Variants in CCDC127 observed in about 807,000 individuals in gnomAD.
The protein encoded by CCDC127 is coiled-coil domain containing 127.
CCDC127 carries 2 observed loss-of-function variants against 4.1 expected under a neutral mutation model. The observed-to-expected ratio is 0.49, with a 90% CI of 0.20 to 1.53. CCDC127 has a LOEUF of 1.53. Ranked by LOEUF, CCDC127 falls within the 40% of genes most tolerant of loss-of-function variation. The pLI is 0.23. For synonymous variants in CCDC127, 98 were observed against 120.4 expected (o/e 0.81, Z 1.22); for missense variants, 271 against 322.9 (o/e 0.84, Z 1.23).
At chr5:213,499 C>A (rs1734316102) in intron 2 of CCDC127, among the ~76,000 whole-genome samples, 1 of 131,462 alleles carries the variant, frequency 7.6e-6, no homozygotes, top group African/African-American at 3.2e-5. Context: ...CAGGATGGGG[C>A]AGACGGGACA....
rs1332530673 is a variant in CCDC127 at position 203,311 on chromosome 5, C to G, written c.*1986G>C. The G allele has an allele frequency of 6.6e-6, 1 of 152,092 alleles. No individual in the cohort carries two copies. The highest frequency in any genetic ancestry group is 2.4e-5 in the African/African-American group (1 of 41,378). 9.4% of individuals were successfully genotyped at this position (152,092 alleles called of 1,614,324 possible). ...GTGGTAGAGCAGAGAGGCACGCTAGCAGCCACTGAAGAAGAGAAGCATCTG... is the reference window on the plus strand; with the variant it reads ...GTGGTAGAGCAGAGAGGCACGCTAGGAGCCACTGAAGAAGAGAAGCATCTG... On this transcript the variant is annotated 3_prime_UTR_variant, in exon 3 of 3. Coordinates refer to ENST00000296824, the MANE Select transcript of CCDC127 (RefSeq NM_145265.3).
In CCDC127 at chr5:201,754, G is replaced by C. The variant is rs1734080955; in HGVS notation, c.*3543C>G. ...AGTCTGAAGCAAGCGAAATTAGAAA[G>C]TACAATCTCAACCCCTCCCCGCAAA... On this transcript the variant is annotated 3_prime_UTR_variant, in exon 3 of 3. Coordinates refer to ENST00000296824, the MANE Select transcript of CCDC127 (RefSeq NM_145265.3). The C allele has an allele frequency of 6.6e-6, 1 of 152,150 alleles. No homozygotes were observed. The allele number at this position is 152,150 out of a possible 1,614,324, so 9.4% of individuals were successfully genotyped here. A position where few individuals can be genotyped will look rare whatever the true frequency, so the allele number is the denominator to read the frequency against.
intron 2 of CCDC127, among the ~76,000 whole-genome samples, chr5:208,980 CAG>C (rs76336388): frequency 0.33 from 50,584 of 151,708 alleles, 10,048 homozygotes; most frequent in African/African-American, 0.55. Flanking sequence ...GCTGCCATGA[CAG>C]AGAGCCTAAG....
At chr5:208,481 A>G (rs1734219518) in intron 2 of CCDC127, among the ~76,000 whole-genome samples, 1 of 152,250 alleles carries the variant, frequency 6.6e-6, no homozygotes, top group Admixed American at 6.5e-5. Context: ...TCAGCCAAAT[A>G]ACACAGAAAA....
intron 2 of CCDC127, among the ~76,000 whole-genome samples, chr5:213,325 C>T (rs1226658230): frequency 1.2e-5 from 1 of 82,722 alleles, no homozygotes. Flanking sequence ...ATGGGGCAGA[C>T]GGGACAGCAG....
chr5:205,686 T>C lies in CCDC127; in HGVS notation c.394A>G (p.Arg132Gly), dbSNP rs1327172423. 1 of 1,614,122 alleles carries C rather than the reference T, an allele frequency of 6.2e-7. No homozygotes were observed. Among genetic ancestry groups the C allele is most frequent in the Non-Finnish European group, 8.5e-7 (1 of 1,180,016 alleles). The change falls in exon 3 of 3, where the codon AGA becomes GGA. Residue 132 changes from arginine to glycine, a missense_variant. Arg to Gly is a moderately radical substitution (Grantham distance 125). Coordinates refer to ENST00000296824, the MANE Select transcript of CCDC127 (RefSeq NM_145265.3). The part of the protein sequence containing the change: ...QERAQVMQEK[R>G]QVQPLRSAYL... ...GCACTTCTCAAAGGCTGCACCTGTC[T>C]TTTTTCTTGCATCACCTGGGCCCGT...
At position 218,074 on chromosome 5, in the gene CCDC127, G is replaced by C. The variant is rs1734466079; in HGVS notation, c.-11+19C>G. The stretch of plus-strand genomic sequence containing the variant: ...AAATGTTGGTGCCCACCACCTCCCC[G>C]GAACAGGGCCCGCTCTACCTCGGTC... On this transcript the variant is annotated intron_variant, in intron 1 of 2. Transcript: ENST00000296824. 13 of 1,159,806 alleles carry C rather than the reference G, an allele frequency of 1.1e-5. No individual in the cohort carries two copies. Among genetic ancestry groups the C allele is most frequent in the Non-Finnish European group, 1.2e-5 (11 of 940,098 alleles). The allele number at this position is 1,159,806 out of a possible 1,614,324, so 71.8% of individuals were successfully genotyped here. A position where few individuals can be genotyped will look rare whatever the true frequency, so the allele number is the denominator to read the frequency against.
rs1734007704 is a variant in CCDC127, at chr5:198,413, T to G, written c.*6884A>C. Reference sequence around the variant, plus strand: ...TGTGTCTGAATTTTTATTGTAAGACTCAGCCGCTGGGCGGCATGATGACCA... The same window carrying G: ...TGTGTCTGAATTTTTATTGTAAGACGCAGCCGCTGGGCGGCATGATGACCA... On this transcript the variant is annotated 3_prime_UTR_variant, in exon 3 of 3. Coordinates refer to ENST00000296824, the MANE Select transcript of CCDC127 (RefSeq NM_145265.3). 6.6e-6 allele frequency: 1 copy of G among 152,340 alleles called. No homozygotes were observed. Among genetic ancestry groups the G allele is most frequent in the African/African-American group, 2.4e-5 (1 of 41,486 alleles). The allele number at this position is 152,340 out of a possible 1,614,324, so 9.4% of individuals were successfully genotyped here. A position where few individuals can be genotyped will look rare whatever the true frequency, so the allele number is the denominator to read the frequency against.
rs1734144207 is a variant in CCDC127 at position 205,189 on chromosome 5, G to A, written c.*108C>T. On this transcript the variant is annotated 3_prime_UTR_variant, in exon 3 of 3. Transcript: ENST00000296824. ...GTGGAGGTCGCTGCTGAAGGGTGACGGTGTGGCCATGACACGGGCAGCACG... is the reference window on the plus strand; with the variant it reads ...GTGGAGGTCGCTGCTGAAGGGTGACAGTGTGGCCATGACACGGGCAGCACG... 8.9e-6 allele frequency: 9 copies of A among 1,012,930 alleles called. No homozygotes were observed. Among genetic ancestry groups the A allele is most frequent in the East Asian group, 2.4e-5 (1 of 41,518 alleles). The allele number at this position is 1,012,930 out of a possible 1,614,324, so 62.7% of individuals were successfully genotyped here. A position where few individuals can be genotyped will look rare whatever the true frequency, so the allele number is the denominator to read the frequency against.
In CCDC127 at chr5:198,669, C is replaced by A. The variant is rs901809497; in HGVS notation, c.*6628G>T. 2 of 152,368 alleles carry A rather than the reference C, an allele frequency of 1.3e-5. No homozygotes were observed. Among genetic ancestry groups the A allele is most frequent in the African/African-American group, 4.8e-5 (2 of 41,478 alleles). 9.4% of individuals were successfully genotyped at this position (152,368 alleles called of 1,614,324 possible). ...TCCCTCGCCCGTCCTGTGCAGGTCT[C>A]GCACTTGCTCCTACTGAACTGATCG... On this transcript the variant is annotated 3_prime_UTR_variant, in exon 3 of 3. Coordinates refer to ENST00000296824, the MANE Select transcript of CCDC127 (RefSeq NM_145265.3).
chr5:199,567 CCAGCCCAGAGCCCCT>C lies in CCDC127; in HGVS notation c.*5715_*5729del, dbSNP rs1310123796. On this transcript the variant is annotated 3_prime_UTR_variant, in exon 3 of 3. Transcript: ENST00000296824. ...CCAGTCACCCCCCGCCCCACCTCTG[CCAGCCCAGAGCCCCT>C]CAGCCCAGATCCCATTTTCTGGCAC... 2 of 151,966 alleles carry C rather than the reference CCAGCCCAGAGCCCCT, an allele frequency of 1.3e-5. No individual in the cohort carries two copies. The highest frequency in any genetic ancestry group is 2.9e-5 in the Non-Finnish European group (2 of 68,558). The allele number at this position is 151,966 out of a possible 1,614,324, so 9.4% of individuals were successfully genotyped here.
chr5:205,432 A>C lies in CCDC127; in HGVS notation c.648T>G (p.Asp216Glu). ...AAGLTDIFQH[D>E]TYCGDVWNTN... Reference sequence around the variant, plus strand: ...TGTTCCAGACATCACCACAGTATGTATCATGCTGAAATATGTCGGTGAGAC... The same window carrying C: ...TGTTCCAGACATCACCACAGTATGTCTCATGCTGAAATATGTCGGTGAGAC... Residue 216 changes from aspartate to glutamate, a missense_variant, in exon 3 of 3, where the codon GAT (aspartate) becomes GAG (glutamate). Asp to Glu is a conservative substitution (Grantham distance 45). Transcript: ENST00000296824. The C allele has an allele frequency of 6.2e-7, 1 of 1,614,208 alleles. No homozygotes were observed.
rs540086369 is a variant in CCDC127 at position 206,777 on chromosome 5, T to C, written c.122-819A>G. Among the ~76,000 whole-genome samples the C allele has an allele frequency of 6.6e-5, 10 of 152,358 alleles. 2 individuals carry two copies. The South Asian group carries it at 2.1e-3, about 32-fold the overall frequency. ...GTTGGAGCAACTGCATGCTAAGTCT[T>C]AGTTTTCCAAACAGCGACGTGTTCT... On this transcript the variant is annotated intron_variant, in intron 2 of 2. Coordinates refer to ENST00000296824, the MANE Select transcript of CCDC127 (RefSeq NM_145265.3).
At chr5:217,986 GCGGTCTGGGCGTTCAGGCCCTT>G in intron 1 of CCDC127, 85 bp downstream of exon 1, 5 of 640,206 alleles carry the variant, frequency 7.8e-6, no homozygotes, top group Admixed American at 5.6e-5. Flanking sequence ...CCCATTCCCT[GCGGTCTGGGCGTTCAGGCCCTT>G]CGGTCTGGGC....
intron 2 of CCDC127, among the ~76,000 whole-genome samples, chr5:207,686 C>T (rs1275168714): frequency 6.6e-6 from 1 of 152,054 alleles, no homozygotes; most frequent in East Asian, 1.9e-4. Flanking sequence ...ATGAGAGGGG[C>T]CCCCAGGAGA....
In CCDC127 at chr5:205,493, A is replaced by G. The variant is rs1372779453; in HGVS notation, c.587T>C (p.Val196Ala). 1.2e-6 allele frequency: 2 copies of G among 1,613,976 alleles called. No individual in the cohort carries two copies. Among genetic ancestry groups the G allele is most frequent in the Non-Finnish European group, 1.7e-6 (2 of 1,179,854 alleles). Residue 196 changes from valine (V) to alanine (A), a missense_variant, in exon 3 of 3, where the codon GTC becomes GCC. Val to Ala is a moderately conservative substitution (Grantham distance 64). This residue lies in a region of CCDC127 where 265 missense variants were observed against 270.9 expected (regional missense o/e 0.98). Coordinates refer to ENST00000296824, the MANE Select transcript of CCDC127 (RefSeq NM_145265.3). ...IEKSLLVRASVDPVAADLEMA... is the reference protein window; with the variant it reads ...IEKSLLVRASADPVAADLEMA... Reference sequence around the variant, plus strand: ...CTCTAGGTCAGCGGCGACGGGGTCGACGGACGCTCGCACCAGTAAGCTCTT... The same window carrying G: ...CTCTAGGTCAGCGGCGACGGGGTCGGCGGACGCTCGCACCAGTAAGCTCTT...
Position 216,725 on chromosome 5 carries a change from T to C in CCDC127, c.121+4A>G. On this transcript the variant is annotated splice_donor_region_variant and intron_variant, in intron 2 of 2. Coordinates refer to ENST00000296824, the MANE Select transcript of CCDC127 (RefSeq NM_145265.3). ...ACACGAATTTTAAGAAAACCATGAC[T>C]TACGAAAAGCAGCCAATCCCAGCAT... 6.2e-7 allele frequency: 1 copy of C among 1,613,662 alleles called. No individual in the cohort carries two copies. The highest frequency in any genetic ancestry group is 8.5e-7 in the Non-Finnish European group (1 of 1,179,804).
At chr5:214,716 C>G (rs1401957848) in intron 2 of CCDC127, 1 of 152,088 alleles carries the variant, frequency 6.6e-6, no homozygotes, top group African/African-American at 2.4e-5. Context: ...ACACACATTT[C>G]TATGTTATGT....
rs1323049723 is a variant in CCDC127, at chr5:203,286, G to A, written c.*2011C>T. 6.6e-6 allele frequency: 1 copy of A among 152,076 alleles called. No individual in the cohort carries two copies. Among genetic ancestry groups the A allele is most frequent in the African/African-American group, 2.4e-5 (1 of 41,384 alleles). 9.4% of individuals were successfully genotyped at this position (152,076 alleles called of 1,614,324 possible). On this transcript the variant is annotated 3_prime_UTR_variant, in exon 3 of 3. Coordinates refer to ENST00000296824, the MANE Select transcript of CCDC127 (RefSeq NM_145265.3). ...TGACTTTTTCTCAGATAAAGCGATGGTGGTAGAGCAGAGAGGCACGCTAGC... is the reference window on the plus strand; with the variant it reads ...TGACTTTTTCTCAGATAAAGCGATGATGGTAGAGCAGAGAGGCACGCTAGC...
Sources: allele counts gnomAD v4.1 joint callset (sites outside exome capture counted in the v4.1 genomes callset), GRCh38; gene constraint gnomAD v4.1.1; regional missense constraint gnomAD v4.1.1; transcripts MANE v1.5; gene names NCBI Gene and HGNC (gene_info 2026-07-23, HGNC 2026-07-21).